Variants in ANO4 observed in about 807,000 individuals in gnomAD.
The protein encoded by ANO4 is anoctamin 4, also known as anoctamin-4.
In ANO4, 69 loss-of-function variants were observed where a neutral mutation model predicts 141.9. That is an observed-to-expected ratio of 0.49 (90% confidence interval 0.40 to 0.59). The LOEUF (loss-of-function observed/expected upper bound fraction) is 0.59. Among genes scored for constraint, ANO4 ranks in the 20% least tolerant of loss-of-function variants. ANO4 has a pLI of 0.00. For missense variants in ANO4, 894 were observed against 1,162.2 expected (o/e 0.77, Z 3.36); for synonymous variants, 350 against 394.3 (o/e 0.89, Z 1.33).
intron 13 of ANO4, among the ~76,000 whole-genome samples, chr12:101,046,402 GC>G (rs2047632816): frequency 6.6e-6 from 1 of 152,162 alleles, no homozygotes; most frequent in South Asian, 2.1e-4. Flanking sequence ...TTGTCCAATG[GC>G]CATTTGAGGG....
intron 1 of ANO4, among the ~76,000 whole-genome samples, chr12:100,733,114 A>C (rs1457986834): frequency 6.6e-6 from 1 of 152,182 alleles, no homozygotes; most frequent in Non-Finnish European, 1.5e-5. Context: ...TCTATCCTGG[A>C]AACTGCCACA....
chr12:101,013,968 G>A (rs2046209067), intron 8 of ANO4, among the ~76,000 whole-genome samples: 1 of 152,152 alleles, frequency 6.6e-6, no homozygotes, highest in Admixed American at 6.5e-5. Context: ...TTTAGATCCA[G>A]CATTAATGAG....
At chr12:101,047,441 T>C (rs1276086668) in intron 13 of ANO4, among the ~76,000 whole-genome samples, 3 of 152,182 alleles carry the variant, frequency 2.0e-5, no homozygotes, top group Non-Finnish European at 4.4e-5. Flanking sequence ...CCATCTCTCC[T>C]CTATTCAAAG....
At chr12:100,735,073 A>G (rs2031546867) in intron 2 of ANO4, among the ~76,000 whole-genome samples, 1 of 152,212 alleles carries the variant, frequency 6.6e-6, no homozygotes, top group East Asian at 1.9e-4. Flanking sequence ...ATGACTCTGC[A>G]TTGCTGCCAC....
intron 18 of ANO4, among the ~76,000 whole-genome samples, chr12:101,095,567 A>G (rs1355006360): frequency 1.3e-5 from 2 of 152,204 alleles, no homozygotes; most frequent in Non-Finnish European, 2.9e-5. Context: ...CTGACATTTT[A>G]AACCATTTTA....
intron 23 of ANO4, among the ~76,000 whole-genome samples, chr12:101,111,110 G>A (rs759263522): frequency 5.9e-5 from 9 of 152,238 alleles, no homozygotes; most frequent in Non-Finnish European, 2.9e-5. Context: ...AGAATTGCAT[G>A]TGGATGTTAT....
intron 7 of ANO4, among the ~76,000 whole-genome samples, chr12:100,985,177 A>G (rs956337393): frequency 3.3e-5 from 5 of 152,240 alleles, no homozygotes; most frequent in Non-Finnish European, 5.9e-5. Flanking sequence ...GAAGGCCACC[A>G]TCTTAGCTGA....
chr12:100,937,943 A>G (rs1383743111), intron 3 of ANO4, among the ~76,000 whole-genome samples: 2 of 152,146 alleles, frequency 1.3e-5, no homozygotes, highest in African/African-American at 4.8e-5. Context: ...CTCTAAGACA[A>G]TGTCCCCATT....
intron 1 of ANO4, among the ~76,000 whole-genome samples, chr12:100,874,428 A>G (rs1487795629): frequency 1.3e-5 from 2 of 152,252 alleles, no homozygotes; most frequent in Admixed American, 6.5e-5. Context: ...AGAGCTGCCT[A>G]AGGCCTTGGG....
chr12:100,726,074 T>C (rs2031102935), intron 1 of ANO4, among the ~76,000 whole-genome samples: 1 of 152,184 alleles, frequency 6.6e-6, no homozygotes, highest in Non-Finnish European at 1.5e-5. Context: ...CCTATTATGA[T>C]TGTCAGGTAA....
intron 14 of ANO4, among the ~76,000 whole-genome samples, chr12:101,065,309 C>T (rs1566197526): frequency 2.6e-5 from 4 of 151,958 alleles, no homozygotes; most frequent in Non-Finnish European, 4.4e-5. Flanking sequence ...GAATGTATTA[C>T]CTGTGGATAA....
chr12:101,016,327 G>A (rs2046314787), intron 8 of ANO4, among the ~76,000 whole-genome samples: 1 of 151,988 alleles, frequency 6.6e-6, no homozygotes, highest in African/African-American at 2.4e-5. Flanking sequence ...AAGAGTGGGA[G>A]CAAGGGCAAG....
chr12:100,848,386 C>G (rs2037691751), intron 1 of ANO4, among the ~76,000 whole-genome samples: 1 of 152,110 alleles, frequency 6.6e-6, no homozygotes, highest in Non-Finnish European at 1.5e-5. Flanking sequence ...TACCTAGATC[C>G]TATAGTTGGT....
At chr12:100,834,414 C>T (rs909152732) in intron 1 of ANO4, among the ~76,000 whole-genome samples, 2 of 152,078 alleles carry the variant, frequency 1.3e-5, no homozygotes, top group Admixed American at 1.3e-4. Context: ...AGTGACCAGA[C>T]CACCAAAACG....
chr12:100,899,162 G>A (rs370621740), intron 1 of ANO4, among the ~76,000 whole-genome samples: 1 of 152,166 alleles, frequency 6.6e-6, no homozygotes, highest in African/African-American at 2.4e-5. Flanking sequence ...TATCTCCTAC[G>A]GGGCCACCCA....
intron 14 of ANO4, among the ~76,000 whole-genome samples, chr12:101,077,100 A>G (rs620545): frequency 0.37 from 56,838 of 152,088 alleles, 11,135 homozygotes; most frequent in East Asian, 0.74. Context: ...TTTCTCCCTG[A>G]AACTCTGGAA....
chr12:101,074,941 C>G (rs1186353421), intron 14 of ANO4, among the ~76,000 whole-genome samples: 1 of 152,164 alleles, frequency 6.6e-6, no homozygotes, highest in Non-Finnish European at 1.5e-5. Flanking sequence ...ATAAAGACAA[C>G]TAAGATACAG....
intron 1 of ANO4, among the ~76,000 whole-genome samples, chr12:100,876,891 C>A (rs2039337295): frequency 6.6e-6 from 1 of 152,140 alleles, no homozygotes; most frequent in South Asian, 2.1e-4. Context: ...TAATGTGATG[C>A]TTCTAGCTTT....
At chr12:100,998,559 A>T (rs2136389171) in intron 8 of ANO4, among the ~76,000 whole-genome samples, 1 of 152,338 alleles carries the variant, frequency 6.6e-6, no homozygotes. Flanking sequence ...ATTCTAGTTG[A>T]AAATGGTTCC....
Sources: gnomAD v4.1 joint callset for allele counts (sites outside exome capture counted in the v4.1 genomes callset) on GRCh38, gnomAD v4.1.1 for gene constraint, MANE v1.5 for transcripts, NCBI Gene and HGNC (gene_info 2026-07-23, HGNC 2026-07-21) for gene names.